Variants in ZNF516 observed in about 807,000 individuals in gnomAD.
The protein encoded by ZNF516 is zinc finger protein 516.
Under a neutral mutation model 79.7 loss-of-function variants are expected in ZNF516, and 19 were observed. The observed-to-expected ratio is 0.24, with a 90% CI of 0.17 to 0.35. The LOEUF (loss-of-function observed/expected upper bound fraction) is 0.35. Ranked by LOEUF, ZNF516 falls within the 10% of genes least tolerant of loss-of-function variation. The pLI is 1.00. For missense variants in ZNF516, 1,678 were observed against 1,679.5 expected (o/e 1.00, Z 0.02); for synonymous variants, 877 against 739.5 (o/e 1.19, Z -3.02).
intron 3 of ZNF516, among the ~76,000 whole-genome samples, chr18:76,383,458 C>T (rs1372448654): frequency 6.7e-6 from 1 of 148,330 alleles, no homozygotes; most frequent in Non-Finnish European, 1.5e-5. Context: ...GGACCCTCTT[C>T]CCCACACCAG....
At chr18:76,483,339 C>G (rs1420007232) in intron 1 of ZNF516, among the ~76,000 whole-genome samples, 1 of 152,192 alleles carries the variant, frequency 6.6e-6, no homozygotes, top group Admixed American at 6.5e-5. Context: ...GGGTCCCCAA[C>G]ACCTCCTCTT....
intron 3 of ZNF516, among the ~76,000 whole-genome samples, chr18:76,405,455 A>C (rs114490486): frequency 0.01 from 1,530 of 152,022 alleles, 31 homozygotes; most frequent in African/African-American, 0.034. Flanking sequence ...ACGGCAGGAG[A>C]CTCCGCAGTG....
At chr18:76,490,121 A>C in intron 1 of ZNF516, 1 of 981,760 alleles carries the variant, frequency 1.0e-6, no homozygotes, top group Non-Finnish European at 1.2e-6. Flanking sequence ...TCAATTACCA[A>C]AATATTTGTG....
At chr18:76,436,453 T>C (rs979008904) in intron 3 of ZNF516, among the ~76,000 whole-genome samples, 3 of 152,126 alleles carry the variant, frequency 2.0e-5, no homozygotes, top group Non-Finnish European at 4.4e-5. Context: ...TGATGAACAC[T>C]GTGTGAGGAC....
chr18:76,490,125 A>C, intron 1 of ZNF516: 1 of 982,862 alleles, frequency 1.0e-6, no homozygotes, highest in Non-Finnish European at 1.2e-6. Flanking sequence ...TTACCAAAAT[A>C]TTTGTGAGTC....
At chr18:76,495,370 G>C (rs1363032842), upstream of ZNF516, among the ~76,000 whole-genome samples, 1 of 145,840 alleles carries the variant, frequency 6.9e-6, no homozygotes, top group Non-Finnish European at 1.5e-5. Flanking sequence ...CGGGGGCCCC[G>C]GCGCGAGCCG....
At chr18:76,370,038 G>T (rs1468086272) in intron 6 of ZNF516, among the ~76,000 whole-genome samples, 1 of 152,230 alleles carries the variant, frequency 6.6e-6, no homozygotes, top group Non-Finnish European at 1.5e-5. Flanking sequence ...CACAGACACA[G>T]GCACACAGCT....
chr18:76,376,330 T>C (rs558229668), intron 4 of ZNF516, among the ~76,000 whole-genome samples: 1 of 152,136 alleles, frequency 6.6e-6, no homozygotes, highest in Non-Finnish European at 1.5e-5. Flanking sequence ...ATGCACCTAC[T>C]AACAGGTATA....
intron 1 of ZNF516, among the ~76,000 whole-genome samples, chr18:76,476,072 T>C (rs1844219872): frequency 6.6e-6 from 1 of 152,238 alleles, no homozygotes; most frequent in Admixed American, 6.5e-5. Flanking sequence ...GAAGACTTTG[T>C]CGTGTATAAA....
At chr18:76,369,955 G>A (rs1248480319) in intron 6 of ZNF516, among the ~76,000 whole-genome samples, 2 of 152,160 alleles carry the variant, frequency 1.3e-5, no homozygotes, top group African/African-American at 2.4e-5. Context: ...GTGTGCTAGT[G>A]CCAGGGTCCC....
upstream of ZNF516, chr18:76,495,852 G>A: frequency 5.6e-6 from 4 of 712,010 alleles, no homozygotes; most frequent in Non-Finnish European, 7.4e-6. Context: ...ATGCCTCTGG[G>A]GGTGTTCAGA....
chr18:76,399,126 C>T (rs1411540480), intron 3 of ZNF516, among the ~76,000 whole-genome samples: 1 of 152,228 alleles, frequency 6.6e-6, no homozygotes, highest in African/African-American at 2.4e-5. Context: ...GCCCGACTCC[C>T]TCCTGGTGCT....
intron 1 of ZNF516, chr18:76,490,768 C>T: frequency 1.0e-6 from 1 of 985,444 alleles, no homozygotes. Context: ...ACTAAAGTTC[C>T]TTTTGTGACT....
intron 1 of ZNF516, chr18:76,491,668 GC>G: frequency 1.6e-5 from 9 of 558,124 alleles, no homozygotes; most frequent in Non-Finnish European, 2.0e-5. Context: ...AGCGGCCACC[GC>G]CCCCACCCCG....
intron 3 of ZNF516, among the ~76,000 whole-genome samples, chr18:76,407,318 G>A (rs982513142): frequency 1.3e-5 from 2 of 152,122 alleles, no homozygotes; most frequent in South Asian, 2.1e-4. Context: ...TCAGCTACTC[G>A]AACAGCTGAG....
intron 3 of ZNF516, among the ~76,000 whole-genome samples, chr18:76,440,761 T>TGTGTGTGTGTGTGTGTGTGCGC (rs571461431): frequency 1.0e-3 from 153 of 150,234 alleles, no homozygotes; most frequent in African/African-American, 3.5e-3. Context: ...TGTGTGTGTG[T>TGTGTGTGTGTGTGTGTGTGCGC]GCGCGCACGC....
chr18:76,485,619 C>A (rs1049397487), intron 1 of ZNF516, among the ~76,000 whole-genome samples: 1 of 152,114 alleles, frequency 6.6e-6, no homozygotes, highest in African/African-American at 2.4e-5. Flanking sequence ...GACAGCCATA[C>A]AGAATGTTAA....
intron 1 of ZNF516, among the ~76,000 whole-genome samples, chr18:76,464,718 C>T (rs527699025): frequency 6.7e-6 from 1 of 148,670 alleles, no homozygotes; most frequent in East Asian, 2.0e-4. Context: ...CCCAGCCTGG[C>T]CATTTCAGAT....
intron 1 of ZNF516, among the ~76,000 whole-genome samples, chr18:76,489,982 T>G (rs1915068295): frequency 6.6e-6 from 1 of 152,226 alleles, no homozygotes. Flanking sequence ...ATTATTATTT[T>G]TTTAGAAGGT....
Sources: allele counts gnomAD v4.1 joint callset (sites outside exome capture counted in the v4.1 genomes callset), GRCh38; gene constraint gnomAD v4.1.1; transcripts MANE v1.5; gene names NCBI Gene and HGNC (gene_info 2026-07-23, HGNC 2026-07-21).